The following DSCAM variants were observed in gnomAD, a reference collection of about 807,000 sequenced individuals.
The protein encoded by DSCAM is cell adhesion molecule DSCAM.
Under a neutral mutation model 217.7 loss-of-function variants are expected in DSCAM, and 47 were observed. That is an observed-to-expected ratio of 0.22 (90% confidence interval 0.17 to 0.28). The LOEUF (loss-of-function observed/expected upper bound fraction) is 0.28, where lower values mean the gene tolerates loss of function less well. Ranked by LOEUF, DSCAM falls within the 10% of genes least tolerant of loss-of-function variation. The pLI, the probability that DSCAM is intolerant of heterozygous loss-of-function variation, is 1.00. For synonymous variants in DSCAM, 1,056 were observed against 1,015.3 expected, an observed-to-expected ratio of 1.04 and a Z score of -0.76; for missense variants, 2,080 against 2,618.3, an observed-to-expected ratio of 0.79 and a Z score of 4.49.
rs566046580 is a variant in DSCAM, at chr21:40,144,897, C to T, written c.3019-166G>A. Among the ~76,000 whole-genome samples, 234 of 152,330 alleles carry T rather than the reference C, an allele frequency of 1.5e-3. No individual in the cohort carries two copies. Among genetic ancestry groups the T allele is most frequent in the African/African-American group, 4.9e-3 (204 of 41,584 alleles). On this transcript the variant is annotated intron_variant, in intron 16 of 32. Coordinates refer to ENST00000400454, the MANE Select transcript of DSCAM (RefSeq NM_001389.5). The surrounding 1 kb of genome is among the most constrained non-coding windows in gnomAD (Gnocchi z 4.8). ...AAACCCACGTACAGTGCAACTTGGT[C>T]TGTGCCAGGCACCCTTCCTTTACCT... is the stretch of plus-strand genomic sequence containing the variant.
intron 3 of DSCAM, among the ~76,000 whole-genome samples, chr21:40,516,971 C>T (rs2073586387): frequency 1.4e-5 from 2 of 145,466 alleles, no homozygotes; most frequent in South Asian, 4.3e-4. Flanking sequence ...TGTAAATATA[C>T]ATATATTATA....
intron 8 of DSCAM, among the ~76,000 whole-genome samples, chr21:40,316,807 T>C (rs987285517): frequency 4.6e-5 from 7 of 152,212 alleles, no homozygotes; most frequent in African/African-American, 1.7e-4. Flanking sequence ...TCTTACTCTA[T>C]CTAAACCCTT....
Position 40,506,071 on chromosome 21 carries a change from G to T in DSCAM, c.509-136826C>A, listed in dbSNP as rs193140497. On this transcript the variant is annotated intron_variant, in intron 3 of 32. Transcript: ENST00000400454. ...TTAAACTGACTTGTGCTTTTTTCCA[G>T]ATTCTTAAAGATTTACTGAAGGAAC... Among the ~76,000 whole-genome samples, 3 of 152,282 alleles carry T rather than the reference G, an allele frequency of 2.0e-5. No homozygotes were observed. In the East Asian group the frequency reaches 5.8e-4, roughly 29 times the overall value.
intron 1 of DSCAM, among the ~76,000 whole-genome samples, chr21:40,834,122 C>T (rs559401635): frequency 6.6e-6 from 1 of 152,130 alleles, no homozygotes; most frequent in East Asian, 1.9e-4. Flanking sequence ...TTTTTATTTC[C>T]ATTTGCCAAA....
intron 20 of DSCAM, among the ~76,000 whole-genome samples, chr21:40,113,913 G>T (rs895585765): frequency 6.6e-6 from 1 of 151,734 alleles, no homozygotes; most frequent in Non-Finnish European, 1.5e-5. Flanking sequence ...AAATAAAAGA[G>T]GATACAAACA....
intron 3 of DSCAM, among the ~76,000 whole-genome samples, chr21:40,562,344 G>A (rs1016078435): frequency 5.3e-5 from 8 of 152,098 alleles, no homozygotes; most frequent in South Asian, 2.1e-4. Flanking sequence ...TGTAAGATGT[G>A]CCTGCCTCCC....
At chr21:40,754,236 G>A (rs1393696153) in intron 1 of DSCAM, among the ~76,000 whole-genome samples, 5 of 152,068 alleles carry the variant, frequency 3.3e-5, no homozygotes, top group African/African-American at 9.7e-5. Context: ...CCATGCCCAG[G>A]ACCACTATAA....
intron 5 of DSCAM, among the ~76,000 whole-genome samples, chr21:40,350,877 CTTTTTTTTTTTTTTTT>C (rs10658416): frequency 8.1e-4 from 52 of 63,878 alleles, no homozygotes; most frequent in Non-Finnish European, 1.2e-3. Context: ...ATAAGTCATA[CTTTTTTTTTTTTTTTT>C]TTTTTTTTTT....
rs781206601 is a variant in DSCAM, at chr21:40,179,102, G to A, written c.2780-8C>T. The A allele has an allele frequency of 7.0e-7, 1 of 1,432,416 alleles. No individual in the cohort carries two copies. The highest frequency in any genetic ancestry group is 2.0e-5 in the Admixed American group (1 of 50,788). 88.7% of individuals were successfully genotyped at this position (1,432,416 alleles called of 1,614,324 possible). A position where few individuals can be genotyped will look rare whatever the true frequency, so the allele number is the denominator to read the frequency against. On this transcript the variant is annotated splice_region_variant and splice_polypyrimidine_tract_variant and intron_variant, in intron 14 of 32. Coordinates refer to ENST00000400454, the MANE Select transcript of DSCAM (RefSeq NM_001389.5). ...GAGCAGAATCCCAGGAGTCTTTTGG[G>A]TTTTGTTTTTCAAAAAAGAAGAGAT...
At chr21:40,754,391 G>A (rs954647437) in intron 1 of DSCAM, among the ~76,000 whole-genome samples, 1 of 152,216 alleles carries the variant, frequency 6.6e-6, no homozygotes, top group African/African-American at 2.4e-5. Context: ...TAGTTTATGT[G>A]AGGTAGTTGG....
intron 3 of DSCAM, among the ~76,000 whole-genome samples, chr21:40,542,963 G>A (rs557003408): frequency 4.9e-4 from 75 of 152,146 alleles, no homozygotes; most frequent in African/African-American, 1.4e-3. Context: ...GGGCCTCTGC[G>A]GTGGTGCTGA....
At chr21:40,795,968 A>G (rs1390593475) in intron 1 of DSCAM, among the ~76,000 whole-genome samples, 1 of 152,166 alleles carries the variant, frequency 6.6e-6, no homozygotes, top group Non-Finnish European at 1.5e-5. Flanking sequence ...ACAAAAACAA[A>G]AGCAATTATA....
At chr21:40,047,864 C>G (rs958005943) in intron 30 of DSCAM, among the ~76,000 whole-genome samples, 7 of 152,188 alleles carry the variant, frequency 4.6e-5, no homozygotes, top group Non-Finnish European at 1.5e-5. Flanking sequence ...TCCTGGGTAA[C>G]AGAGGGCATT....
intron 1 of DSCAM, among the ~76,000 whole-genome samples, chr21:40,724,298 T>C (rs1252294087): frequency 1.3e-5 from 2 of 152,158 alleles, no homozygotes; most frequent in East Asian, 3.9e-4. Context: ...ACCAAAATGA[T>C]GTAAATGGCT....
chr21:40,548,292 C>T (rs925214115), intron 3 of DSCAM, among the ~76,000 whole-genome samples: 5 of 152,090 alleles, frequency 3.3e-5, no homozygotes, highest in Non-Finnish European at 7.4e-5. Flanking sequence ...GTTTAATTAC[C>T]GCCCTCCCCA....
chr21:40,526,269 G>T (rs536019656), intron 3 of DSCAM, among the ~76,000 whole-genome samples: 1 of 152,194 alleles, frequency 6.6e-6, no homozygotes, highest in Admixed American at 6.5e-5. Flanking sequence ...GCAGAACTTA[G>T]TTTTTTTCAG....
intron 32 of DSCAM, among the ~76,000 whole-genome samples, chr21:40,037,456 C>A (rs1028326280): frequency 7.0e-6 from 1 of 142,914 alleles, no homozygotes; most frequent in Admixed American, 6.9e-5. Context: ...ATCCAACTTA[C>A]AAGGGATGTG....
chr21:40,387,811 A>G (rs1308224626), intron 3 of DSCAM, among the ~76,000 whole-genome samples: 2 of 152,258 alleles, frequency 1.3e-5, no homozygotes. Context: ...AGTGAATAAG[A>G]GTATATCATA....
At chr21:40,433,159 C>A (rs1476761404) in intron 3 of DSCAM, among the ~76,000 whole-genome samples, 1 of 151,676 alleles carries the variant, frequency 6.6e-6, no homozygotes, top group Non-Finnish European at 1.5e-5. Flanking sequence ...AAGATAGAGA[C>A]CATCCTGGCC....
Sources: gnomAD v4.1 joint callset for allele counts (sites outside exome capture counted in the v4.1 genomes callset) on GRCh38, gnomAD v4.1.1 for gene constraint, Gnocchi (gnomAD v3.1) non-coding constraint, MANE v1.5 for transcripts, NCBI Gene and HGNC (gene_info 2026-07-23, HGNC 2026-07-21) for gene names.